The following ASXL2 variants were observed in gnomAD, a reference collection of about 807,000 sequenced individuals.
ASXL2 encodes putative Polycomb group protein ASXL2.
Under a neutral mutation model 122.0 loss-of-function variants are expected in ASXL2, and 23 were observed. That is an observed-to-expected ratio of 0.19 (90% CI 0.14 to 0.27). The LOEUF is 0.27. Ranked by LOEUF, ASXL2 falls within the 10% of genes least tolerant of loss-of-function variation. The pLI is 1.00. For synonymous variants in ASXL2, 650 were observed against 637.0 expected (o/e 1.02, Z -0.31); for missense variants, 1,518 against 1,713.8 (o/e 0.89, Z 2.02).
intron 9 of ASXL2, among the ~76,000 whole-genome samples, chr2:25,759,184 A>AC (rs549610993): frequency 3.0e-4 from 46 of 152,218 alleles, no homozygotes; most frequent in Admixed American, 9.8e-4. Context: ...TGAACTCCTG[A>AC]CCTCAGGTGA....
intron 5 of ASXL2, among the ~76,000 whole-genome samples, chr2:25,783,061 G>A (rs551428171): frequency 9.2e-5 from 14 of 152,212 alleles, no homozygotes; most frequent in African/African-American, 3.1e-4. Context: ...TCCAGGAGGC[G>A]GAGGCTGCAG....
At chr2:25,783,042 T>A (rs183712750) in intron 5 of ASXL2, among the ~76,000 whole-genome samples, 1 of 152,206 alleles carries the variant, frequency 6.6e-6, no homozygotes, top group East Asian at 1.9e-4. Flanking sequence ...GGCAGGAGAA[T>A]CGCTTGAATC....
At chr2:25,762,002 T>C (rs1559503661) in intron 8 of ASXL2, among the ~76,000 whole-genome samples, 3 of 152,004 alleles carry the variant, frequency 2.0e-5, no homozygotes, top group South Asian at 2.1e-4. Context: ...AATAATAGTA[T>C]TCTAGTGTCT....
intron 4 of ASXL2, among the ~76,000 whole-genome samples, chr2:25,803,252 C>T (rs2089026783): frequency 6.6e-6 from 1 of 152,234 alleles, no homozygotes; most frequent in African/African-American, 2.4e-5. Flanking sequence ...CTACAAACCT[C>T]ACACTAAGCA....
At chr2:25,850,885 G>A (rs990898465) in intron 1 of ASXL2, among the ~76,000 whole-genome samples, 2 of 152,094 alleles carry the variant, frequency 1.3e-5, no homozygotes, top group African/African-American at 2.4e-5. Flanking sequence ...GGTGGCTCAC[G>A]CCTGTAATCC....
At chr2:25,816,772 A>G (rs1210833787) in intron 3 of ASXL2, among the ~76,000 whole-genome samples, 1 of 152,250 alleles carries the variant, frequency 6.6e-6, no homozygotes, top group African/African-American at 2.4e-5. Flanking sequence ...AAAGTTCTTA[A>G]GAGTATGAAT....
intron 1 of ASXL2, among the ~76,000 whole-genome samples, chr2:25,867,972 A>G (rs979918242): frequency 3.3e-5 from 5 of 152,216 alleles, no homozygotes; most frequent in African/African-American, 7.2e-5. Context: ...TGCAGCTTCA[A>G]CAACACAGAT....
At chr2:25,807,267 A>T (rs934207060) in intron 3 of ASXL2, among the ~76,000 whole-genome samples, 2 of 152,170 alleles carry the variant, frequency 1.3e-5, no homozygotes, top group Non-Finnish European at 2.9e-5. Context: ...GCTACTCAAT[A>T]ACCAAAAATA....
chr2:25,771,568 A>G (rs2149155685), intron 5 of ASXL2, 28 bp from the exon 6 acceptor site: 1 of 1,571,054 alleles, frequency 6.4e-7, no homozygotes, highest in Non-Finnish European at 8.7e-7. Context: ...ACAATAAAAG[A>G]TTTTTGTTAA....
At position 25,799,364 on chromosome 2, in the gene ASXL2, TG is replaced by T; in HGVS notation, c.403+20del. 1.9e-6 allele frequency: 3 copies of T among 1,613,972 alleles called. No individual in the cohort carries two copies. The highest frequency in any genetic ancestry group is 2.5e-6 in the Non-Finnish European group (3 of 1,179,856). On this transcript the variant is annotated intron_variant, in intron 5 of 12. Transcript: ENST00000435504. ...TGTCCTACAGCATTTAGTACTTTAT[TG>T]AAGGATCAGGTGGATTTACCTTTCC... is the stretch of plus-strand genomic sequence containing the variant.
At chr2:25,826,929 T>G (rs568301470) in intron 3 of ASXL2, among the ~76,000 whole-genome samples, 2 of 151,414 alleles carry the variant, frequency 1.3e-5, no homozygotes, top group African/African-American at 4.8e-5. Context: ...TAAGCTCAAA[T>G]GCTCCTTCCT....
intron 12 of ASXL2, among the ~76,000 whole-genome samples, chr2:25,748,675 C>T (rs533024082): frequency 9.2e-5 from 14 of 152,186 alleles, no homozygotes; most frequent in South Asian, 2.1e-4. Flanking sequence ...ATATTCAGTG[C>T]GTTGCCTCTT....
chr2:25,844,649 ATT>A (rs200317556), intron 2 of ASXL2, among the ~76,000 whole-genome samples: 13 of 146,198 alleles, frequency 8.9e-5, no homozygotes, highest in Admixed American at 6.8e-5. Flanking sequence ...TATTACTGTA[ATT>A]TTTTTTTTTT....
chr2:25,733,795 G>C lies in ASXL2; in HGVS notation c.*8234C>G, dbSNP rs375201162. On this transcript the variant is annotated 3_prime_UTR_variant, in exon 13 of 13. Coordinates refer to ENST00000435504, the MANE Select transcript of ASXL2 (RefSeq NM_018263.6). The stretch of plus-strand genomic sequence containing the variant: ...CCTTTATTCAACATAGAATGAGTCA[G>C]TAAAATATGGTTTGTCTATGTGCAG... 1.3e-5 allele frequency: 2 copies of C among 152,206 alleles called. No individual in the cohort carries two copies. Among genetic ancestry groups the C allele is most frequent in the East Asian group, 3.8e-4 (2 of 5,198 alleles). 9.4% of individuals were successfully genotyped at this position (152,206 alleles called of 1,614,324 possible). A position where few individuals can be genotyped will look rare whatever the true frequency, so the allele number is the denominator to read the frequency against.
chr2:25,860,741 T>G (rs2089835338), intron 1 of ASXL2, among the ~76,000 whole-genome samples: 1 of 238 alleles, frequency 4.2e-3, no homozygotes, highest in Non-Finnish European at 0.014. Flanking sequence ...ATGCTGGGTG[T>G]GGTGCTCATG....
chr2:25,757,367 G>T (rs1450198268), intron 9 of ASXL2, among the ~76,000 whole-genome samples: 1 of 151,544 alleles, frequency 6.6e-6, no homozygotes, highest in Non-Finnish European at 1.5e-5. Context: ...GGCTGGGCGC[G>T]GTGGCTCACA....
At chr2:25,812,648 G>A (rs1047722646) in intron 3 of ASXL2, among the ~76,000 whole-genome samples, 4 of 152,142 alleles carry the variant, frequency 2.6e-5, no homozygotes, top group African/African-American at 9.7e-5. Context: ...TGGGACCACT[G>A]ATGCAACAAT....
intron 6 of ASXL2, 52 bp downstream of exon 6, chr2:25,771,388 C>T (rs2088451243): frequency 4.0e-6 from 6 of 1,500,744 alleles, no homozygotes; most frequent in African/African-American, 1.4e-5. Context: ...CAGAGGTGTG[C>T]GTTTTAAATA....
chr2:25,854,147 T>C (rs542779890), intron 1 of ASXL2, among the ~76,000 whole-genome samples: 1 of 152,272 alleles, frequency 6.6e-6, no homozygotes, highest in Admixed American at 6.5e-5. Flanking sequence ...TCAAGTCACT[T>C]GGGTTTAGTC....
Sources: allele counts gnomAD v4.1 joint callset (sites outside exome capture counted in the v4.1 genomes callset), GRCh38; gene constraint gnomAD v4.1.1; transcripts MANE v1.5; gene names NCBI Gene and HGNC (gene_info 2026-07-23, HGNC 2026-07-21).